The following DCHS2 variants were observed in gnomAD, a reference collection of about 807,000 sequenced individuals.
The protein encoded by DCHS2 is protocadherin-23.
DCHS2 carries 142 observed loss-of-function variants against 182.4 expected under a neutral mutation model. The observed-to-expected ratio is 0.78, with a 90% CI of 0.68 to 0.89. The LOEUF (loss-of-function observed/expected upper bound fraction) is 0.89, where lower values mean the gene tolerates loss of function less well. DCHS2 is among the 40% of genes least tolerant of loss of function. The pLI, the probability that DCHS2 is intolerant of heterozygous loss-of-function variation, is 0.00. For synonymous variants in DCHS2, 1,740 were observed against 1,663.3 expected (o/e 1.05, Z -1.12); for missense variants, 4,319 against 4,198.6 (o/e 1.03, Z -0.79).
At chr4:154,291,336 TTGG>T (rs1321450885) in intron 13 of DCHS2, among the ~76,000 whole-genome samples, 1 of 151,978 alleles carries the variant, frequency 6.6e-6, no homozygotes, top group African/African-American at 2.4e-5. Flanking sequence ...TTATACGCTG[TTGG>T]TGGGAATGTA....
rs144015228 is a variant in DCHS2, at chr4:154,433,171, C to T, written c.2053-55727G>A. Among the ~76,000 whole-genome samples, 652 of 151,994 alleles carry T rather than the reference C, an allele frequency of 4.3e-3. 5 individuals are homozygous for T. The highest frequency in any genetic ancestry group is 0.014 in the African/African-American group (599 of 41,472). On this transcript the variant is annotated intron_variant, in intron 1 of 19. Coordinates refer to ENST00000357232, the MANE Select transcript of DCHS2 (RefSeq NM_001358235.2). ...AAGAAAAGGGACTTCAGTTACAGAA[C>T]CAGAGAGGAAACAGGCCATGTGACA...
At chr4:154,344,818 G>C (rs1048298592) in intron 3 of DCHS2, among the ~76,000 whole-genome samples, 15 of 152,168 alleles carry the variant, frequency 9.9e-5, no homozygotes, top group Admixed American at 1.3e-4. Flanking sequence ...GCAGAGCTAC[G>C]TTCAAACCTT....
intron 2 of DCHS2, 80 bp from the exon 3 acceptor site, chr4:154,366,521 A>G: frequency 1.1e-6 from 1 of 931,066 alleles, no homozygotes; most frequent in Non-Finnish European, 1.7e-6. Flanking sequence ...TGGCCCTACA[A>G]TAGTCTTGAA....
chr4:154,414,120 G>A (rs1388975287), intron 1 of DCHS2, among the ~76,000 whole-genome samples: 1 of 151,722 alleles, frequency 6.6e-6, no homozygotes, highest in African/African-American at 2.4e-5. Context: ...CTAGAATAGG[G>A]CAGATAGAGG....
chr4:154,392,521 G>C (rs1277615275), intron 1 of DCHS2, among the ~76,000 whole-genome samples: 1 of 152,164 alleles, frequency 6.6e-6, no homozygotes, highest in Non-Finnish European at 1.5e-5. Context: ...TATGGACTGT[G>C]ACTGACTGCA....
At position 154,442,407 on chromosome 4, in the gene DCHS2, C is replaced by A. The variant is rs145459255; in HGVS notation, c.2052+46897G>T. On this transcript the variant is annotated intron_variant, in intron 1 of 19. Coordinates refer to ENST00000357232, the MANE Select transcript of DCHS2 (RefSeq NM_001358235.2). Reference sequence around the variant, plus strand: ...TGACTCAAACATGCCCTTCCTGAGTCCCCCAAACCCCTTGACTGTACCTTG... The same window carrying A: ...TGACTCAAACATGCCCTTCCTGAGTACCCCAAACCCCTTGACTGTACCTTG... Among the ~76,000 whole-genome samples the A allele has an allele frequency of 5.9e-5, 9 of 151,984 alleles. No individual in the cohort carries two copies. The East Asian group carries it at 1.7e-3, about 29-fold the overall frequency.
Position 154,335,196 on chromosome 4 carries a change from A to T in DCHS2, c.2477-92T>A. On this transcript the variant is annotated intron_variant, in intron 3 of 19. Coordinates refer to ENST00000357232, the MANE Select transcript of DCHS2 (RefSeq NM_001358235.2). ...CACCTGGTCTATTAAGTGTATTGTGATGTTTTATTTTATGTGTTAACTGGG... is the reference window on the plus strand; with the variant it reads ...CACCTGGTCTATTAAGTGTATTGTGTTGTTTTATTTTATGTGTTAACTGGG... 10 of 865,800 alleles carry T rather than the reference A, an allele frequency of 1.2e-5. 1 individual carries two copies. Among genetic ancestry groups the T allele is most frequent in the Middle Eastern group, 5.7e-4 (2 of 3,524 alleles). The allele number at this position is 865,800 out of a possible 1,614,324, so 53.6% of individuals were successfully genotyped here.
At chr4:154,315,166 C>A (rs1735808257) in intron 10 of DCHS2, among the ~76,000 whole-genome samples, 1 of 152,144 alleles carries the variant, frequency 6.6e-6, no homozygotes, top group Non-Finnish European at 1.5e-5. Flanking sequence ...GTGTCAGACA[C>A]TGGTCTAAGC....
chr4:154,302,175 C>A lies in DCHS2; in HGVS notation c.5605+2494G>T, dbSNP rs191341251. On this transcript the variant is annotated intron_variant, in intron 12 of 19. Coordinates refer to ENST00000357232, the MANE Select transcript of DCHS2 (RefSeq NM_001358235.2). Reference sequence around the variant, plus strand: ...AATATTGATTGAAGAAGTAAAAATGCAAAACATATAACTGAAAATGCTCAT... The same window carrying A: ...AATATTGATTGAAGAAGTAAAAATGAAAAACATATAACTGAAAATGCTCAT... Among the ~76,000 whole-genome samples the A allele has an allele frequency of 2.8e-3, 420 of 152,152 alleles. 3 individuals are homozygous for A. Among genetic ancestry groups the A allele is most frequent in the African/African-American group, 9.8e-3 (409 of 41,524 alleles).
chr4:154,315,326 A>T (rs1329999681), intron 10 of DCHS2, among the ~76,000 whole-genome samples: 1 of 152,132 alleles, frequency 6.6e-6, no homozygotes, highest in East Asian at 1.9e-4. Context: ...TTTGGATTCA[A>T]ATCTAGGCAG....
rs975795584 is a variant in DCHS2, at chr4:154,233,949, A to C, written c.*587T>G. 1 of 152,192 alleles carries C rather than the reference A, an allele frequency of 6.6e-6. No individual in the cohort carries two copies. The highest frequency in any genetic ancestry group is 1.5e-5 in the Non-Finnish European group (1 of 68,030). 9.4% of individuals were successfully genotyped at this position (152,192 alleles called of 1,614,324 possible). ...CTTCTGAATTTTTTATTAGTTTTCC[A>C]AAAGACTCCACATTGAAATTCAATT... On this transcript the variant is annotated 3_prime_UTR_variant, in exon 20 of 20. Transcript: ENST00000357232.
At position 154,236,758 on chromosome 4, in the gene DCHS2, C is replaced by A; in HGVS notation, c.7894G>T (p.Glu2632Ter). ...CTGTCAGATGCCAGAATGACAAGCT[C>A]ATGGCTAGCACTTGCTTCTCTGTCC... ...SLDREASASH[E>*]LVILASDSGC... The change falls in exon 20 of 20, where the codon GAG becomes TAG. Residue 2632 changes from glutamate (E) to a stop codon, truncating the protein, a stop_gained. Coordinates refer to ENST00000357232, the MANE Select transcript of DCHS2 (RefSeq NM_001358235.2). LOFTEE classifies it low-confidence loss of function (END_TRUNC). 1.2e-6 allele frequency: 2 copies of A among 1,614,014 alleles called. No homozygotes were observed. The highest frequency in any genetic ancestry group is 2.2e-5 in the South Asian group (2 of 91,086).
intron 12 of DCHS2, 102 bp downstream of exon 12, chr4:154,304,567 A>G (rs1043754037): frequency 1.0e-5 from 10 of 984,014 alleles, no homozygotes; most frequent in Non-Finnish European, 1.5e-5. Context: ...TGGGAGGTGA[A>G]GTTGCAGTGA....
At chr4:154,386,560 A>T (rs1731429604) in intron 1 of DCHS2, among the ~76,000 whole-genome samples, 1 of 151,276 alleles carries the variant, frequency 6.6e-6, no homozygotes, top group Admixed American at 6.6e-5. Context: ...ATATATTTTT[A>T]TTTATTTGTA....
In DCHS2 at chr4:154,265,216, A is replaced by AT. The variant is rs774393813; in HGVS notation, c.6577+4683dup. On this transcript the variant is annotated intron_variant, in intron 14 of 19. Transcript: ENST00000357232. ...ATACACCAGCACCGTCAGGAAAAGC[A>AT]TTTTTTTTCATTTACCGTAGTGAGA... 4.9e-3 allele frequency among the ~76,000 whole-genome samples: 752 copies of AT among 152,084 alleles called. 8 individuals carry two copies. The highest frequency in any genetic ancestry group is 4.8e-3 in the Non-Finnish European group (328 of 67,990).
At chr4:154,243,611 G>A (rs917199015) in intron 16 of DCHS2, among the ~76,000 whole-genome samples, 1 of 152,130 alleles carries the variant, frequency 6.6e-6, no homozygotes, top group Non-Finnish European at 1.5e-5. Flanking sequence ...TGGGAGTGAA[G>A]AATTTCCTGG....
At chr4:154,465,430 A>G (rs967480234) in intron 1 of DCHS2, among the ~76,000 whole-genome samples, 6 of 152,178 alleles carry the variant, frequency 3.9e-5, no homozygotes, top group Non-Finnish European at 8.8e-5. Context: ...GCAGTTTGGG[A>G]GACCAAGGCG....
chr4:154,445,826 C>CGAAA (rs1303264889), intron 1 of DCHS2, among the ~76,000 whole-genome samples: 3 of 138,868 alleles, frequency 2.2e-5, no homozygotes, highest in Non-Finnish European at 4.7e-5. Context: ...AAAAAAAAAA[C>CGAAA]GAAAGAAAGA....
At chr4:154,338,161 T>A (rs1411169089) in intron 3 of DCHS2, among the ~76,000 whole-genome samples, 2 of 152,254 alleles carry the variant, frequency 1.3e-5, no homozygotes, top group East Asian at 3.8e-4. Context: ...GTGCCTATTA[T>A]GAACTTAACA....
Sources: allele counts gnomAD v4.1 joint callset (sites outside exome capture counted in the v4.1 genomes callset), GRCh38; gene constraint gnomAD v4.1.1; transcripts MANE v1.5; gene names NCBI Gene and HGNC (gene_info 2026-07-23, HGNC 2026-07-21).